Variants in HDAC9 observed in about 807,000 individuals in gnomAD.
HDAC9 encodes histone deacetylase 9, also known as MEF-2 interacting transcription repressor (MITR) protein.
HDAC9 carries 41 observed loss-of-function variants against 139.4 expected under a neutral mutation model. The ratio of observed to expected loss-of-function variants is 0.29; its 90% CI spans 0.23 to 0.38. The LOEUF (loss-of-function observed/expected upper bound fraction) is 0.38, where lower values mean the gene tolerates loss of function less well. Among genes scored for constraint, HDAC9 ranks in the 10% least tolerant of loss-of-function variants. The pLI is 1.00. For synonymous variants in HDAC9, 517 were observed against 476.2 expected, an observed-to-expected ratio of 1.09 and a Z score of -1.12; for missense variants, 1,147 against 1,297.0, an observed-to-expected ratio of 0.88 and a Z score of 1.78.
chr7:18,823,468 G>A (rs1019572557), intron 17 of HDAC9, among the ~76,000 whole-genome samples: 2 of 152,198 alleles, frequency 1.3e-5, no homozygotes, highest in Non-Finnish European at 2.9e-5. Context: ...GACAGAGCAG[G>A]TGTGACTTGT....
chr7:18,648,392 A>C lies in HDAC9; in HGVS notation c.1250-74A>C, dbSNP rs1282582020. The C allele has an allele frequency of 3.2e-6, 4 of 1,239,550 alleles. No individual in the cohort carries two copies. In the African/African-American group the frequency reaches 4.6e-5, roughly 14 times the overall value. The allele number at this position is 1,239,550 out of a possible 1,614,324, so 76.8% of individuals were successfully genotyped here. ...TTTCTTTGGCTTCTTATCTTTTCTT[A>C]AAATTGTGTGTGTGTGTATGTGTGT... On this transcript the variant is annotated intron_variant, in intron 10 of 25. Coordinates refer to ENST00000686413, the MANE Select transcript of HDAC9 (RefSeq NM_178425.4).
chr7:18,363,666 G>C (rs1489604832), intron 1 of HDAC9, among the ~76,000 whole-genome samples: 1 of 152,066 alleles, frequency 6.6e-6, no homozygotes, highest in Non-Finnish European at 1.5e-5. Context: ...TTTCTAATTT[G>C]CCCCTCAGAA....
chr7:18,203,546 T>G (rs1209055591), intron 2 of HDAC9, among the ~76,000 whole-genome samples: 1 of 152,276 alleles, frequency 6.6e-6, no homozygotes, highest in East Asian at 1.9e-4. Context: ...TGCATTTATA[T>G]GTATGTGGTA....
chr7:18,327,212 T>G lies in HDAC9; in HGVS notation c.-42+36697T>G, dbSNP rs1052645729. ...CATGGAAGGCTTATAAGATTAAAAA[T>G]AGTTGTGTTTAGGGAAATAAGCTTA... On this transcript the variant is annotated intron_variant, in intron 1 of 3. Transcript: ENST00000413509. Among the ~76,000 whole-genome samples, 5 of 152,006 alleles carry G rather than the reference T, an allele frequency of 3.3e-5. No homozygotes were observed. In the East Asian group the frequency reaches 9.7e-4, roughly 29 times the overall value.
intron 22 of HDAC9, chr7:18,892,115 T>C (rs1189550793): frequency 1.3e-5 from 2 of 152,156 alleles, no homozygotes; most frequent in Non-Finnish European, 2.9e-5. Context: ...AAGGAGTTTA[T>C]TGGAAGAAAC....
intron 1 of HDAC9, chr7:18,327,755 C>T (rs1277333300): frequency 3.9e-5 from 6 of 152,048 alleles, no homozygotes; most frequent in African/African-American, 7.2e-5. Flanking sequence ...AGATGAGTTA[C>T]TCTGAAATAA....
At chr7:18,941,612 C>T (rs568092663) in intron 23 of HDAC9, among the ~76,000 whole-genome samples, 2 of 152,122 alleles carry the variant, frequency 1.3e-5, no homozygotes, top group African/African-American at 4.8e-5. Flanking sequence ...CTTACAAGCT[C>T]CTAAATAGTT....
intron 1 of HDAC9, among the ~76,000 whole-genome samples, chr7:18,315,386 A>G (rs558228597): frequency 1.3e-5 from 2 of 152,270 alleles, no homozygotes; most frequent in South Asian, 4.1e-4. Flanking sequence ...TTAGCTGCTC[A>G]AGGTCACAGA....
Position 18,584,140 on chromosome 7 carries a change from C to CTTTTTTTTTT in HDAC9, c.23-1130_23-1121dup, listed in dbSNP as rs3084518. ...AACTATTCCTTTAGAAAGCAGCATTCTTTTTTTTTTTTTTTTTTTTGAGAC... is the reference window on the plus strand; with the variant it reads ...AACTATTCCTTTAGAAAGCAGCATTCTTTTTTTTTTTTTTTTTTTTTTTTTTTTTTGAGAC... On this transcript the variant is annotated intron_variant, in intron 2 of 25. Transcript: ENST00000686413. Among the ~76,000 whole-genome samples, 226 of 107,702 alleles carry CTTTTTTTTTT rather than the reference C, an allele frequency of 2.1e-3. 6 individuals carry two copies. The highest frequency in any genetic ancestry group is 2.8e-3 in the Non-Finnish European group (159 of 56,080). 70.7% of individuals were successfully genotyped at this position (107,702 alleles called of 152,430 possible). A position where few individuals can be genotyped will look rare whatever the true frequency, so the allele number is the denominator to read the frequency against.
chr7:18,451,915 T>C (rs559381931), intron 1 of HDAC9, among the ~76,000 whole-genome samples: 2 of 152,218 alleles, frequency 1.3e-5, no homozygotes, highest in African/African-American at 2.4e-5. Context: ...GGGAACAGCA[T>C]GGCAATGTCA....
intron 21 of HDAC9, among the ~76,000 whole-genome samples, chr7:18,849,223 A>G (rs891100198): frequency 4.6e-5 from 7 of 152,202 alleles, no homozygotes; most frequent in Non-Finnish European, 8.8e-5. Flanking sequence ...TATCACATAA[A>G]CTGAGCATAC....
intron 1 of HDAC9, among the ~76,000 whole-genome samples, chr7:18,353,661 G>GAAA (rs761785179): frequency 9.9e-5 from 15 of 152,120 alleles, no homozygotes; most frequent in Non-Finnish European, 1.5e-4. Flanking sequence ...GCATATAAAT[G>GAAA]AAAAACACAG....
intron 14 of HDAC9, among the ~76,000 whole-genome samples, chr7:18,755,189 G>A (rs1196422405): frequency 6.6e-6 from 1 of 152,120 alleles, no homozygotes; most frequent in Non-Finnish European, 1.5e-5. Flanking sequence ...AGGCTACATT[G>A]TCATTGTTCT....
chr7:18,393,967 T>G (rs1786785758), intron 1 of HDAC9, among the ~76,000 whole-genome samples: 1 of 152,148 alleles, frequency 6.6e-6, no homozygotes, highest in Non-Finnish European at 1.5e-5. Context: ...CTCAGTGAAG[T>G]TCAAATTATC....
At chr7:18,927,676 G>A (rs1341744417) in intron 22 of HDAC9, among the ~76,000 whole-genome samples, 2 of 152,112 alleles carry the variant, frequency 1.3e-5, no homozygotes, top group African/African-American at 4.8e-5. Flanking sequence ...AACATTTCAG[G>A]CCCAAATGTA....
chr7:18,727,779 C>T, intron 13 of HDAC9, 22 bp downstream of exon 13: 1 of 1,461,942 alleles, frequency 6.8e-7, no homozygotes, highest in South Asian at 1.5e-5. Context: ...TAAAGACTCT[C>T]TCTAATAGGC....
chr7:18,369,067 A>G (rs947775616), intron 1 of HDAC9, among the ~76,000 whole-genome samples: 1 of 152,106 alleles, frequency 6.6e-6, no homozygotes, highest in Non-Finnish European at 1.5e-5. Flanking sequence ...GTTTTCTTAT[A>G]TCTTTTTTCC....
chr7:18,733,638 ATATAGT>A (rs1413628624), intron 13 of HDAC9, among the ~76,000 whole-genome samples: 2 of 151,574 alleles, frequency 1.3e-5, no homozygotes, highest in Non-Finnish European at 2.9e-5. Flanking sequence ...ATATTTATAA[ATATAGT>A]TATATAATAC....
chr7:18,445,784 G>A (rs1327952993), intron 1 of HDAC9, among the ~76,000 whole-genome samples: 1 of 152,148 alleles, frequency 6.6e-6, no homozygotes, highest in Non-Finnish European at 1.5e-5. Flanking sequence ...AGTTAAATCA[G>A]CCAAAAAGAT....
Sources: allele counts gnomAD v4.1 joint callset (sites outside exome capture counted in the v4.1 genomes callset), GRCh38; gene constraint gnomAD v4.1.1; transcripts MANE v1.5; gene names NCBI Gene and HGNC (gene_info 2026-07-23, HGNC 2026-07-21).